The following FGF14 variants were observed in gnomAD, a reference collection of about 807,000 sequenced individuals.
FGF14 encodes fibroblast growth factor homologous factor 4.
Under a neutral mutation model 25.5 loss-of-function variants are expected in FGF14, and 5 were observed. That is an observed-to-expected ratio of 0.20 (90% confidence interval 0.10 to 0.41). FGF14 has a LOEUF of 0.41. FGF14 is among the 10% of genes least tolerant of loss of function. The probability of loss-of-function intolerance (pLI) is 1.00; values close to 1 mark genes in which losing one functional copy is unlikely to be tolerated. For synonymous variants in FGF14, 138 were observed against 118.3 expected (o/e 1.17, Z -1.08); for missense variants, 222 against 320.1 (o/e 0.69, Z 2.34).
chr13:102,366,906 G>T (rs887401012), intron 1 of FGF14, among the ~76,000 whole-genome samples: 3 of 152,028 alleles, frequency 2.0e-5, no homozygotes, highest in African/African-American at 7.2e-5. Context: ...TAAATAATAA[G>T]ATGTATTTAA....
At position 101,886,349 on chromosome 13, in the gene FGF14, G is replaced by A. The variant is rs527459797; in HGVS notation, c.194-11053C>T. Reference sequence around the variant, plus strand: ...ATACTGGCATAAAAACAGACACATAGACCAATGGAACAGAATAGAGAGCCC... The same window carrying A: ...ATACTGGCATAAAAACAGACACATAAACCAATGGAACAGAATAGAGAGCCC... On this transcript the variant is annotated intron_variant, in intron 1 of 4. Transcript: ENST00000376143. Among the ~76,000 whole-genome samples, 6 of 152,154 alleles carry A rather than the reference G, an allele frequency of 3.9e-5. No homozygotes were observed. In the South Asian group the frequency reaches 1.2e-3, roughly 32 times the overall value.
At chr13:102,122,927 G>A (rs2045793810) in intron 1 of FGF14, among the ~76,000 whole-genome samples, 1 of 152,164 alleles carries the variant, frequency 6.6e-6, no homozygotes, top group Non-Finnish European at 1.5e-5. Context: ...GGTGGCAAGT[G>A]TTTGATCTCA....
intron 1 of FGF14, chr13:102,394,219 G>C (rs541119404): frequency 6.6e-6 from 1 of 152,570 alleles, no homozygotes; most frequent in East Asian, 1.9e-4. Context: ...CCTTCAGATG[G>C]GTCTCGGGTC....
At chr13:102,293,098 C>T (rs1226621591) in intron 1 of FGF14, 1 of 152,356 alleles carries the variant, frequency 6.6e-6, no homozygotes, top group East Asian at 1.9e-4. Context: ...CACTGTCTGT[C>T]CATCTCTGGT....
At chr13:101,922,213 A>G (rs955626527) in intron 1 of FGF14, among the ~76,000 whole-genome samples, 2 of 152,188 alleles carry the variant, frequency 1.3e-5, no homozygotes, top group African/African-American at 2.4e-5. Flanking sequence ...GAAGTACCCC[A>G]TGGTACCTAA....
chr13:101,906,707 T>C (rs2032292732), intron 1 of FGF14, among the ~76,000 whole-genome samples: 1 of 152,190 alleles, frequency 6.6e-6, no homozygotes, highest in Admixed American at 6.5e-5. Context: ...TCATCTACTC[T>C]AATTGCCAGC....
chr13:101,901,469 C>T (rs1000263890), intron 1 of FGF14, among the ~76,000 whole-genome samples: 7 of 151,670 alleles, frequency 4.6e-5, no homozygotes, highest in East Asian at 1.9e-4. Flanking sequence ...TTTGGGAGGC[C>T]GGGGCGGGTG....
intron 1 of FGF14, among the ~76,000 whole-genome samples, chr13:102,315,137 G>A (rs1277609697): frequency 6.6e-6 from 1 of 151,852 alleles, no homozygotes; most frequent in Non-Finnish European, 1.5e-5. Flanking sequence ...TATATTGTGT[G>A]AATATTATAT....
At chr13:102,294,746 T>G (rs1933700866) in intron 1 of FGF14, among the ~76,000 whole-genome samples, 1 of 152,168 alleles carries the variant, frequency 6.6e-6, no homozygotes, top group Admixed American at 6.6e-5. Flanking sequence ...TAGTTTCACT[T>G]TTCCCTAGTC....
At chr13:102,139,749 G>C (rs1256162770) in intron 1 of FGF14, among the ~76,000 whole-genome samples, 1 of 150,042 alleles carries the variant, frequency 6.7e-6, no homozygotes, top group Non-Finnish European at 1.5e-5. Flanking sequence ...GAAAGACCAA[G>C]ATGTTTCTAT....
chr13:102,064,113 C>G (rs1177944830), intron 1 of FGF14, among the ~76,000 whole-genome samples: 1 of 152,020 alleles, frequency 6.6e-6, no homozygotes, highest in Non-Finnish European at 1.5e-5. Flanking sequence ...TGAAGAATTA[C>G]GTTAGCTAAA....
At chr13:101,780,457 T>G (rs912868343) in intron 3 of FGF14, among the ~76,000 whole-genome samples, 4 of 152,208 alleles carry the variant, frequency 2.6e-5, no homozygotes, top group African/African-American at 7.2e-5. Flanking sequence ...GAAGTCACTA[T>G]GCCAATGTCA....
chr13:102,244,381 T>C (rs973665496), intron 1 of FGF14, among the ~76,000 whole-genome samples: 3 of 151,892 alleles, frequency 2.0e-5, no homozygotes, highest in African/African-American at 7.2e-5. Context: ...CTCTCTGGTT[T>C]CCTAGGGTTC....
chr13:101,804,778 T>A (rs1023759833), intron 3 of FGF14, among the ~76,000 whole-genome samples: 5 of 152,108 alleles, frequency 3.3e-5, no homozygotes, highest in Admixed American at 6.6e-5. Context: ...CAAAGAAAGA[T>A]TATCTTTTGT....
intron 1 of FGF14, among the ~76,000 whole-genome samples, chr13:102,321,996 T>C (rs1157892130): frequency 1.3e-5 from 2 of 152,160 alleles, no homozygotes; most frequent in African/African-American, 4.8e-5. Flanking sequence ...CAGGATTAGA[T>C]TGAGCCTAGG....
At chr13:102,259,770 T>C (rs1039179360) in intron 1 of FGF14, among the ~76,000 whole-genome samples, 2 of 152,178 alleles carry the variant, frequency 1.3e-5, no homozygotes, top group East Asian at 1.9e-4. Context: ...GAACATCCCA[T>C]ACTAGCCCAA....
At position 101,721,174 on chromosome 13, in the gene FGF14, A is replaced by ACAT. The variant is rs762640115; in HGVS notation, c.*1654_*1656dup. 1.3e-5 allele frequency: 2 copies of ACAT among 152,122 alleles called. No individual in the cohort carries two copies. Among genetic ancestry groups the ACAT allele is most frequent in the East Asian group, 1.9e-4 (1 of 5,178 alleles). The allele number at this position is 152,122 out of a possible 1,614,324, so 9.4% of individuals were successfully genotyped here. ...CTCAATGAACTCTTCTGAGAAGAAA[A>ACAT]CATTGAATTTTATTAGGTGTACACA... On this transcript the variant is annotated 3_prime_UTR_variant, in exon 5 of 5. Coordinates refer to ENST00000376143, the MANE Select transcript of FGF14 (RefSeq NM_004115.4).
At chr13:101,749,704 T>G (rs1233675635) in intron 3 of FGF14, among the ~76,000 whole-genome samples, 2 of 152,166 alleles carry the variant, frequency 1.3e-5, no homozygotes, top group African/African-American at 4.8e-5. Context: ...GAACATTTGT[T>G]ACTTTTCAAA....
chr13:102,400,768 C>T lies in FGF14; in HGVS notation c.208+703G>A, dbSNP rs967807835. On this transcript the variant is annotated intron_variant, in intron 1 of 4. Transcript: ENST00000376131. The surrounding 1 kb of genome is among the most constrained non-coding windows in gnomAD (Gnocchi z 4.3). ...ACCCCGACGCAGGGCTTTGACACCG[C>T]TTTCTAAAGGGGGGGACTTCAATTA... Among the ~76,000 whole-genome samples the T allele has an allele frequency of 6.6e-6, 1 of 152,168 alleles. No homozygotes were observed. Among genetic ancestry groups the T allele is most frequent in the African/African-American group, 2.4e-5 (1 of 41,444 alleles).
Sources: gnomAD v4.1 joint callset for allele counts (sites outside exome capture counted in the v4.1 genomes callset) on GRCh38, gnomAD v4.1.1 for gene constraint, Gnocchi (gnomAD v3.1) non-coding constraint, MANE v1.5 for transcripts, NCBI Gene and HGNC (gene_info 2026-07-23, HGNC 2026-07-21) for gene names.